The following LINGO3 variants were observed in gnomAD, a reference collection of about 807,000 sequenced individuals.
LINGO3 encodes leucine rich repeat and Ig domain containing 3, also known as leucine-rich repeat and immunoglobulin-like domain-containing nogo receptor-interacting protein 3.
For synonymous variants in LINGO3, 427 were observed against 444.2 expected (o/e 0.96, Z 0.49); for missense variants, 750 against 867.7 (o/e 0.86, Z 1.70).
exon 1 of LINGO3, chr19:2,291,680 C>A: frequency 7.4e-7 from 1 of 1,347,224 alleles, no homozygotes. Flanking sequence ...CGGGTCTGCA[C>A]GGTGCACTCG....
At chr19:2,301,052 A>T in the LINGO3 span, among the ~76,000 whole-genome samples, 1 of 152,016 alleles carries the variant, frequency 6.6e-6, no homozygotes, top group South Asian at 2.1e-4. Context: ...CCTCTGGGTT[A>T]GGGGATTCCA....
the LINGO3 span, among the ~76,000 whole-genome samples, chr19:2,306,918 C>T: frequency 8.5e-5 from 13 of 152,138 alleles, no homozygotes; most frequent in Non-Finnish European, 1.9e-4. Context: ...GGCCATGCCG[C>T]GGCAGCCCAC....
chr19:2,307,192 C>G, the LINGO3 span, among the ~76,000 whole-genome samples: 1 of 152,326 alleles, frequency 6.6e-6, no homozygotes, highest in Admixed American at 6.5e-5. Flanking sequence ...TGTCTGCAGC[C>G]TCGCTGCGTC....
the LINGO3 span, among the ~76,000 whole-genome samples, chr19:2,307,288 C>G: frequency 6.6e-6 from 1 of 152,214 alleles, no homozygotes; most frequent in Admixed American, 6.5e-5. Flanking sequence ...ACTGGGGGGG[C>G]CGGGACACCG....
chr19:2,303,065 G>T, the LINGO3 span, among the ~76,000 whole-genome samples: 1 of 152,184 alleles, frequency 6.6e-6, no homozygotes, highest in Non-Finnish European at 1.5e-5. Context: ...TCGTCCGCCC[G>T]CACCTCTAGT....
chr19:2,294,699 G>A (rs115050991), upstream of LINGO3, among the ~76,000 whole-genome samples: 4,805 of 152,134 alleles, frequency 0.032, 258 homozygotes, highest in African/African-American at 0.11. The surrounding 1 kb of genome is among the most constrained non-coding windows in gnomAD (Gnocchi z 4.3). Context: ...CCAATGCTCC[G>A]TGGGTCCTGG....
chr19:2,294,083 C>T (rs2025552032), upstream of LINGO3, among the ~76,000 whole-genome samples: 1 of 152,180 alleles, frequency 6.6e-6, no homozygotes, highest in African/African-American at 2.4e-5. This position sits in a 1 kb window ranked among gnomAD's most constrained non-coding sequence, Gnocchi z 4.3. Context: ...ACGTCCTGCC[C>T]TCCGTGCCTG....
upstream of LINGO3, chr19:2,292,056 T>C (rs1172395079): frequency 4.8e-6 from 2 of 415,618 alleles, no homozygotes; most frequent in African/African-American, 2.2e-5. Flanking sequence ...CATGTGGTGG[T>C]GTAGGCCTGT....
the LINGO3 span, among the ~76,000 whole-genome samples, chr19:2,298,191 T>C: frequency 1.3e-5 from 2 of 152,060 alleles, no homozygotes; most frequent in Non-Finnish European, 2.9e-5. Flanking sequence ...GCCTGGTCCA[T>C]TTTCTAAATT....
the LINGO3 span, among the ~76,000 whole-genome samples, chr19:2,307,294 C>T: frequency 2.6e-5 from 4 of 152,242 alleles, no homozygotes; most frequent in African/African-American, 4.8e-5. Context: ...GGGGCCGGGA[C>T]ACCGGCACCG....
In LINGO3 at chr19:2,291,249, CA is replaced by C. The variant is rs2145086747; in HGVS notation, c.527del (p.Leu176ArgfsTer4). On this transcript the variant is annotated frameshift_variant, in exon 1 of 1. Coordinates refer to ENST00000585527, the Ensembl canonical transcript of LINGO3. LOFTEE classifies it low-confidence loss of function (END_TRUNC). ...TGCAGCGCTCCAGGGTCAGCTCCTC[CA>C]GGGCCAGCAGCCCCGCGAAGGCGCG... The C allele has an allele frequency of 6.2e-7, 1 of 1,611,986 alleles. No homozygotes were observed. Among genetic ancestry groups the C allele is most frequent in the East Asian group, 2.2e-5 (1 of 44,872 alleles).
At chr19:2,291,293 G>A in exon 1 of LINGO3, 1 of 1,612,690 alleles carries the variant, frequency 6.2e-7, no homozygotes, top group South Asian at 1.1e-5. Context: ...ACGAATACCA[G>A]GTCGTTGTCG....
At chr19:2,303,216 C>T in the LINGO3 span, among the ~76,000 whole-genome samples, 3 of 152,220 alleles carry the variant, frequency 2.0e-5, no homozygotes, top group African/African-American at 4.8e-5. Context: ...TCAATGCAAT[C>T]GGACTGGCTG....
At chr19:2,300,021 C>T in the LINGO3 span, among the ~76,000 whole-genome samples, 3 of 116,294 alleles carry the variant, frequency 2.6e-5, no homozygotes, top group African/African-American at 8.3e-5. Flanking sequence ...CATGCCTGGC[C>T]TCTTTTTTTT....
At chr19:2,289,060 TGGGTGTGAGCTGTATCCC>T (rs1222418442), downstream of LINGO3, among the ~76,000 whole-genome samples, 2 of 149,832 alleles carry the variant, frequency 1.3e-5, no homozygotes, top group Admixed American at 6.6e-5. Context: ...GAGTGTGTCC[TGGGTGTGAGCTGTATCCC>T]GGGTGTGAGC....
rs1196844966 is a variant in LINGO3, at chr19:2,290,229, C to T, written c.1548G>A (p.Ala516=). Residue 516 remains alanine, a synonymous_variant, in exon 1 of 1, where the codon GCG becomes GCA. Transcript: ENST00000585527. The surrounding 1 kb of genome is among the most constrained non-coding windows in gnomAD (Gnocchi z 6.0). ...TGAGGTCGAGCGGCGCGCGCAGGGC[C>T]GCCAGCGTCTCGTTGTGGGCCTCGC... 6.2e-6 allele frequency: 10 copies of T among 1,605,512 alleles called. No homozygotes were observed. In the African/African-American group the frequency reaches 6.7e-5, roughly 11 times the overall value.
At chr19:2,292,546 G>A (rs1160985765), upstream of LINGO3, among the ~76,000 whole-genome samples, 1 of 151,922 alleles carries the variant, frequency 6.6e-6, no homozygotes, top group Non-Finnish European at 1.5e-5. Flanking sequence ...CTGGAGTGCA[G>A]TGGCTTGATC....
At chr19:2,306,127 G>A in the LINGO3 span, among the ~76,000 whole-genome samples, 4 of 152,246 alleles carry the variant, frequency 2.6e-5, no homozygotes, top group East Asian at 3.9e-4. Context: ...TGTCTACACC[G>A]GCCACTTCAC....
the LINGO3 span, among the ~76,000 whole-genome samples, chr19:2,298,223 A>AATTTATTT: frequency 1.4e-4 from 21 of 151,472 alleles, no homozygotes; most frequent in Non-Finnish European, 5.9e-5. Context: ...TTTAAGTTGG[A>AATTTATTT]ATTTATTTAT....
Sources: gnomAD v4.1 joint callset for allele counts (sites outside exome capture counted in the v4.1 genomes callset) on GRCh38, gnomAD v4.1.1 for gene constraint, Gnocchi (gnomAD v3.1) non-coding constraint, MANE v1.5 for transcripts, NCBI Gene and HGNC (gene_info 2026-07-23, HGNC 2026-07-21) for gene names.